Variants in GTF2I observed in about 807,000 individuals in gnomAD.
GTF2I encodes general transcription factor IIi, also known as general transcription factor II-I.
GTF2I carries 12 observed loss-of-function variants against 67.6 expected under a neutral mutation model. The observed-to-expected ratio is 0.18, with a 90% CI of 0.11 to 0.29. GTF2I has a LOEUF of 0.29. Among genes scored for constraint, GTF2I ranks in the 10% least tolerant of loss-of-function variants. The probability of loss-of-function intolerance (pLI) is 1.00; values close to 1 mark genes in which losing one functional copy is unlikely to be tolerated. For missense variants in GTF2I, 271 were observed against 580.1 expected (o/e 0.47, Z 5.47); for synonymous variants, 149 against 197.0 (o/e 0.76, Z 2.04).
At chr7:74,726,088 C>G (rs1374069068) in intron 12 of GTF2I, among the ~76,000 whole-genome samples, 1 of 152,106 alleles carries the variant, frequency 6.6e-6, no homozygotes, top group South Asian at 2.1e-4. Context: ...TTTCTCATGT[C>G]ATTCTACTCT....
intron 1 of GTF2I, among the ~76,000 whole-genome samples, chr7:74,685,748 T>TA (rs1202483120): frequency 1.3e-5 from 2 of 148,592 alleles, no homozygotes; most frequent in Non-Finnish European, 3.0e-5. Flanking sequence ...GCCTCGGCGA[T>TA]AGAGCTAGAC....
intron 10 of GTF2I, 85 bp from the exon 11 acceptor site, chr7:74,716,809 T>C (rs1554403720): frequency 4.0e-5 from 34 of 843,722 alleles, no homozygotes. Context: ...ATGTCTTAGA[T>C]TGTTTGCATT....
chr7:74,694,632 TA>T (rs1180709551), intron 3 of GTF2I, among the ~76,000 whole-genome samples: 2 of 152,116 alleles, frequency 1.3e-5, no homozygotes, highest in Admixed American at 6.6e-5. Context: ...AAGTGCAAGG[TA>T]AAGCAGCAAG....
chr7:74,700,073 A>T, intron 4 of GTF2I, 174 bp from the exon 5 acceptor site: 1 of 645,338 alleles, frequency 1.5e-6, no homozygotes, highest in Non-Finnish European at 2.6e-6. Context: ...GATCAGTTTC[A>T]GGTTTAGACC....
At chr7:74,670,586 T>G (rs987749665) in intron 1 of GTF2I, among the ~76,000 whole-genome samples, 12 of 151,164 alleles carry the variant, frequency 7.9e-5, no homozygotes, top group Admixed American at 2.0e-4. Context: ...TAGTCCCAGG[T>G]ACTCGAGGCA....
At chr7:74,677,798 T>TAAAAAAAAA (rs1806039310) in intron 1 of GTF2I, among the ~76,000 whole-genome samples, 20 of 56,256 alleles carry the variant, frequency 3.6e-4, no homozygotes, top group African/African-American at 5.3e-4. Flanking sequence ...AAAAAAAAAG[T>TAAAAAAAAA]AAATTTGGGT....
intron 1 of GTF2I, among the ~76,000 whole-genome samples, chr7:74,661,930 TG>T (rs1233355563): frequency 1.3e-5 from 2 of 152,104 alleles, no homozygotes; most frequent in Non-Finnish European, 2.9e-5. Flanking sequence ...CACGGGCATT[TG>T]TTACATTATC....
At chr7:74,674,866 T>G (rs6460089) in intron 1 of GTF2I, among the ~76,000 whole-genome samples, 1 of 147,534 alleles carries the variant, frequency 6.8e-6, no homozygotes, top group Non-Finnish European at 1.5e-5. Context: ...ATATATATAT[T>G]TTTTTGAGAC....
chr7:74,690,947 CATG>C (rs1788239372), intron 2 of GTF2I, 23 bp from the exon 3 acceptor site: 1 of 1,598,310 alleles, frequency 6.3e-7, no homozygotes, highest in South Asian at 1.2e-5. Context: ...CCGCCTGTAA[CATG>C]ATGTTTGCTG....
intron 8 of GTF2I, 122 bp downstream of exon 8, chr7:74,706,555 T>C (rs1425578075): frequency 1.1e-5 from 8 of 712,838 alleles, no homozygotes; most frequent in African/African-American, 3.5e-5. Flanking sequence ...TCACTACTAA[T>C]GTATTCCAAC....
At chr7:74,670,016 T>C (rs1379385728) in intron 1 of GTF2I, among the ~76,000 whole-genome samples, 1 of 152,216 alleles carries the variant, frequency 6.6e-6, no homozygotes, top group Non-Finnish European at 1.5e-5. Context: ...TTAGCCGTGA[T>C]AATTAATGCA....
chr7:74,675,838 C>G (rs782706677), intron 1 of GTF2I, among the ~76,000 whole-genome samples: 99 of 152,030 alleles, frequency 6.5e-4, no homozygotes, highest in Non-Finnish European at 9.7e-4. Context: ...GGCAAAACCC[C>G]GTCTCTACTA....
intron 3 of GTF2I, among the ~76,000 whole-genome samples, chr7:74,693,575 G>A (rs1339329494): frequency 6.6e-5 from 10 of 152,108 alleles, no homozygotes; most frequent in East Asian, 1.9e-4. Context: ...GGCCAGGCAC[G>A]GTGGCTCATG....
intron 12 of GTF2I, chr7:74,727,654 GA>G (rs1288750857): frequency 2.1e-4 from 32 of 152,206 alleles, no homozygotes; most frequent in African/African-American, 7.0e-4. Context: ...TTTTAAATAA[GA>G]ATTTCTTAAA....
intron 1 of GTF2I, among the ~76,000 whole-genome samples, chr7:74,680,097 A>AAAAAAAAAAAAAT (rs1787104337): frequency 1.1e-5 from 1 of 88,844 alleles, no homozygotes; most frequent in African/African-American, 5.8e-5. Flanking sequence ...AAAAAAAAAA[A>AAAAAAAAAAAAAT]AAATATATAT....
chr7:74,701,033 T>G (rs1402907934), intron 6 of GTF2I, among the ~76,000 whole-genome samples: 1 of 152,204 alleles, frequency 6.6e-6, no homozygotes, highest in Non-Finnish European at 1.5e-5. Flanking sequence ...TTCTGTAAAA[T>G]GAACATGGCA....
chr7:74,706,110 A>T (rs1403135804), intron 7 of GTF2I, among the ~76,000 whole-genome samples: 1 of 146,528 alleles, frequency 6.8e-6, no homozygotes, highest in African/African-American at 2.5e-5. Context: ...AGTAGAGATG[A>T]GGTTTCACCA....
chr7:74,679,140 G>T (rs374174808), intron 1 of GTF2I, among the ~76,000 whole-genome samples: 6 of 151,348 alleles, frequency 4.0e-5, no homozygotes, highest in African/African-American at 1.5e-4. Context: ...GTGCAGTGGC[G>T]TGAACTTGGA....
intron 3 of GTF2I, among the ~76,000 whole-genome samples, chr7:74,691,356 G>A (rs587688131): frequency 5.3e-5 from 8 of 152,054 alleles, no homozygotes; most frequent in Admixed American, 2.6e-4. Flanking sequence ...ACAGGCACGC[G>A]CCAGCACGCC....
Sources: allele counts gnomAD v4.1 joint callset (sites outside exome capture counted in the v4.1 genomes callset), GRCh38; gene constraint gnomAD v4.1.1; transcripts MANE v1.5; gene names NCBI Gene and HGNC (gene_info 2026-07-23, HGNC 2026-07-21).